PPOX: variants seen among roughly 807,000 people sequenced by gnomAD.
PPOX encodes protoporphyrinogen oxidase.
A neutral mutation model predicts 54.1 loss-of-function variants in PPOX; 23 were observed. The ratio of observed to expected loss-of-function variants is 0.43; its 90% CI spans 0.31 to 0.60. The LOEUF (loss-of-function observed/expected upper bound fraction) is 0.60. Among genes scored for constraint, PPOX ranks in the 20% least tolerant of loss-of-function variants. The pLI, the probability that PPOX is intolerant of heterozygous loss-of-function variation, is 0.13. For missense variants in PPOX, 512 were observed against 601.1 expected (o/e 0.85, Z 1.55); for synonymous variants, 224 against 236.1 (o/e 0.95, Z 0.47).
chr1:161,177,150 G>A (rs981567797), downstream of PPOX: 2 of 1,425,030 alleles, frequency 1.4e-6, no homozygotes, highest in Non-Finnish European at 1.9e-6. Flanking sequence ...AGACAGTCAG[G>A]GGTGGCTGGA....
At position 161,169,661 on chromosome 1, in the gene PPOX, T is replaced by C; in HGVS notation, c.809T>C (p.Val270Ala). The stretch of plus-strand genomic sequence containing the variant: ...TCTCAAATGTTTTCATGCTCTCAGG[T>C]ATCTCTAAGGGACAGCAGTCTGGAG... ...LSLQAEGRWK[V>A]SLRDSSLEAD... Residue 270 changes from valine to alanine, a missense_variant and splice_region_variant, in exon 8 of 13, where the codon GTA (valine) becomes GCA (alanine). Val to Ala is a moderately conservative substitution (Grantham distance 64). Transcript: ENST00000367999. 1 of 1,614,090 alleles carries C rather than the reference T, an allele frequency of 6.2e-7. No individual in the cohort carries two copies. The highest frequency in any genetic ancestry group is 8.5e-7 in the Non-Finnish European group (1 of 1,179,926).
In PPOX at chr1:161,170,398, C is replaced by T; in HGVS notation, c.988-11C>T. On this transcript the variant is annotated splice_polypyrimidine_tract_variant and intron_variant, in intron 9 of 12. Transcript: ENST00000367999. ...CCTTTCCTTCTGACGCATGAATGTCCTTCTCTCCAGGGATTTGGACATTTG... is the reference window on the plus strand; with the variant it reads ...CCTTTCCTTCTGACGCATGAATGTCTTTCTCTCCAGGGATTTGGACATTTG... 6.8e-7 allele frequency: 1 copy of T among 1,480,704 alleles called. No homozygotes were observed. Among genetic ancestry groups the T allele is most frequent in the East Asian group, 3.0e-5 (1 of 33,464 alleles). The allele number at this position is 1,480,704 out of a possible 1,614,324, so 91.7% of individuals were successfully genotyped here.
rs766357854 is a variant in PPOX at position 161,169,024 on chromosome 1, T to A, written c.648T>A (p.Ile216=). 1 of 1,614,188 alleles carries A rather than the reference T, an allele frequency of 6.2e-7. No individual in the cohort carries two copies. Among genetic ancestry groups the A allele is most frequent in the Non-Finnish European group, 8.5e-7 (1 of 1,180,046 alleles). ...CCCCACAGCCAGACTCAGCACTCAT[T>A]CGCCAGGCCTTGGCTGAGCGCTGGA... The part of the protein sequence containing the change: ...GRTPQPDSAL[I]RQALAERWSQ... Residue 216 remains isoleucine (I), a synonymous_variant, in exon 7 of 13, where the codon ATT becomes ATA. Transcript: ENST00000367999.
In PPOX at chr1:161,171,167, T is replaced by A; in HGVS notation, c.1425T>A (p.Pro475=). Residue 475 remains proline (P), a synonymous_variant, in exon 13 of 13, where the codon CCT becomes CCA. Transcript: ENST00000367999. The part of the protein sequence containing the change: ...QAAVSVLGTE[P]NS ...CAGTCAGTGTCCTGGGCACAGAACC[T>A]AACAGCTGATCCCCAACTCTCATTC... is the stretch of plus-strand genomic sequence containing the variant. 1 of 1,613,316 alleles carries A rather than the reference T, an allele frequency of 6.2e-7. No individual in the cohort carries two copies. The highest frequency in any genetic ancestry group is 8.5e-7 in the Non-Finnish European group (1 of 1,180,038).
At chr1:161,177,603 G>C (rs74124653), downstream of PPOX, 1 of 158,968 alleles carries the variant, frequency 6.3e-6, no homozygotes. Flanking sequence ...GGGCTTGTGA[G>C]GGAGCAGCGC....
chr1:161,175,967 G>A (rs775488585), downstream of PPOX: 4 of 1,613,956 alleles, frequency 2.5e-6, no homozygotes, highest in Non-Finnish European at 1.7e-6. Flanking sequence ...CTGAGACTTC[G>A]GAAGCCCCCC....
chr1:161,176,977 C>G, exon 5 of PPOX: 1 of 1,536,038 alleles, frequency 6.5e-7, no homozygotes, highest in East Asian at 2.4e-5. Context: ...TCCTCAGGTG[C>G]AGGGACCGTG....
downstream of PPOX, chr1:161,172,378 G>T: frequency 6.6e-7 from 1 of 1,518,502 alleles, no homozygotes; most frequent in Non-Finnish European, 9.0e-7. Context: ...GTAGAGAAAA[G>T]CAAGGAAGGG....
chr1:161,171,735 G>T, downstream of PPOX: 1 of 1,543,178 alleles, frequency 6.5e-7, no homozygotes, highest in South Asian at 1.2e-5. Context: ...ACATCCCTCT[G>T]AGAACAGTGA....
At chr1:161,166,420 C>G (rs1019609598), upstream of PPOX, 1 of 1,125,474 alleles carries the variant, frequency 8.9e-7, no homozygotes, top group Non-Finnish European at 1.1e-6. Flanking sequence ...GCCGCGAGAA[C>G]AGAGTGGACG....
At chr1:161,177,209 C>G, downstream of PPOX, 1 of 805,112 alleles carries the variant, frequency 1.2e-6, no homozygotes, top group East Asian at 2.7e-5. Flanking sequence ...GGGTTAAAAC[C>G]CAGCTCTTTC....
downstream of PPOX, chr1:161,172,549 G>A: frequency 1.9e-6 from 1 of 524,014 alleles, no homozygotes. Context: ...TCACCCTAGG[G>A]CCTTTAAACA....
downstream of PPOX, chr1:161,175,311 C>T (rs1350250369): frequency 1.6e-6 from 2 of 1,219,388 alleles, no homozygotes; most frequent in East Asian, 4.9e-5. Context: ...ACCTCTGACA[C>T]TGGCAGTCTG....
chr1:161,174,064 A>AG (rs1662503024), downstream of PPOX: 1 of 1,611,372 alleles, frequency 6.2e-7, no homozygotes, highest in African/African-American at 1.3e-5. Context: ...AAGATAATGG[A>AG]GGGGAACCAG....
chr1:161,170,957 G>A lies in PPOX; in HGVS notation c.1291+8G>A, dbSNP rs769657187. ...GTCACTGGCAAAAACTAGGTAAGTT[G>A]GGAAAACAGCTGGGCTGAGGAGGGC... is the stretch of plus-strand genomic sequence containing the variant. On this transcript the variant is annotated splice_region_variant and intron_variant, in intron 12 of 12. Coordinates refer to ENST00000367999, the MANE Select transcript of PPOX (RefSeq NM_001122764.3). 4 of 1,614,100 alleles carry A rather than the reference G, an allele frequency of 2.5e-6. No individual in the cohort carries two copies. Among genetic ancestry groups the A allele is most frequent in the Admixed American group, 1.7e-5 (1 of 60,030 alleles).
chr1:161,171,792 A>T (rs1336559469), downstream of PPOX: 10 of 1,612,684 alleles, frequency 6.2e-6, no homozygotes, highest in Non-Finnish European at 6.8e-6. Context: ...CGGTTTCATG[A>T]TTAAGGTAGA....
At chr1:161,177,514 TC>T (rs1664073707), downstream of PPOX, 1 of 169,428 alleles carries the variant, frequency 5.9e-6, no homozygotes, top group East Asian at 1.7e-4. Context: ...GGGGGCGGGG[TC>T]TCGCGTCATG....
chr1:161,176,482 CG>C, intron 4 of PPOX: 4 of 370,134 alleles, frequency 1.1e-5, no homozygotes, highest in Non-Finnish European at 1.0e-5. Context: ...CAGGGGGTCC[CG>C]GGGGGACAGA....
At chr1:161,167,770 G>T in intron 4 of PPOX, 1 of 730,360 alleles carries the variant, frequency 1.4e-6, no homozygotes, top group Non-Finnish European at 2.2e-6. Context: ...TCACCATATT[G>T]GCCAGGCTGG....
Sources: gnomAD v4.1 joint callset for allele counts on GRCh38, gnomAD v4.1.1 for gene constraint, MANE v1.5 for transcripts, NCBI Gene and HGNC (gene_info 2026-07-23, HGNC 2026-07-21) for gene names.